ANO3: variants seen among roughly 807,000 people sequenced by gnomAD.
The protein encoded by ANO3 is anoctamin-3.
A neutral mutation model predicts 144.8 loss-of-function variants in ANO3; 99 were observed. The observed-to-expected ratio is 0.68, with a 90% CI of 0.58 to 0.81. ANO3 has a LOEUF of 0.81. Ranked by LOEUF, ANO3 falls within the 30% of genes least tolerant of loss-of-function variation. The pLI, the probability that ANO3 is intolerant of heterozygous loss-of-function variation, is 0.00. For missense variants in ANO3, 905 were observed against 1,202.2 expected (o/e 0.75, Z 3.66); for synonymous variants, 414 against 392.6 (o/e 1.05, Z -0.64).
chr11:26,590,392 C>G (rs1851409755), intron 14 of ANO3, among the ~76,000 whole-genome samples: 1 of 152,128 alleles, frequency 6.6e-6, no homozygotes, highest in Non-Finnish European at 1.5e-5. Context: ...AGTTGTTTGC[C>G]ACACACAGGC....
chr11:26,448,287 G>GT (rs1565030507), intron 3 of ANO3, among the ~76,000 whole-genome samples: 2 of 129,810 alleles, frequency 1.5e-5, no homozygotes, highest in Non-Finnish European at 3.2e-5. Flanking sequence ...CAACAAAAGC[G>GT]TAACTCCGTC....
At chr11:26,420,684 C>T (rs532126300) in intron 1 of ANO3, among the ~76,000 whole-genome samples, 8 of 152,130 alleles carry the variant, frequency 5.3e-5, no homozygotes, top group South Asian at 4.1e-4. Flanking sequence ...ATATCTTGTT[C>T]CTTCAGGCCT....
intron 1 of ANO3, among the ~76,000 whole-genome samples, chr11:26,196,902 T>C (rs959716216): frequency 6.6e-6 from 1 of 152,198 alleles, no homozygotes; most frequent in African/African-American, 2.4e-5. Flanking sequence ...CAAGACATTG[T>C]ACAAGCATAA....
rs188440334 is a variant in ANO3 at position 26,297,962 on chromosome 11, C to T, written c.155-11683C>T. 1.2e-4 allele frequency among the ~76,000 whole-genome samples: 18 copies of T among 152,286 alleles called. No homozygotes were observed. The East Asian group carries it at 2.5e-3, about 21-fold the overall frequency. On this transcript the variant is annotated intron_variant, in intron 1 of 27. Coordinates refer to the ANO3 transcript ENST00000672621. ...CATTCTTTCCACTATACCCTCCTTCCTAACTGCAGGTGGTGCCTGCAAAAA... is the reference window on the plus strand; with the variant it reads ...CATTCTTTCCACTATACCCTCCTTCTTAACTGCAGGTGGTGCCTGCAAAAA...
chr11:26,333,082 C>G (rs1008024302), intron 1 of ANO3, among the ~76,000 whole-genome samples: 1 of 152,118 alleles, frequency 6.6e-6, no homozygotes, highest in Non-Finnish European at 1.5e-5. Flanking sequence ...TATCCAGAAG[C>G]ATTAATTAAC....
intron 8 of ANO3, among the ~76,000 whole-genome samples, chr11:26,534,019 C>T (rs2703418): frequency 0.71 from 107,227 of 152,068 alleles, 38,184 homozygotes; most frequent in East Asian, 0.84. Flanking sequence ...CATTGCTACT[C>T]TTCCCATGGG....
intron 1 of ANO3, among the ~76,000 whole-genome samples, chr11:26,207,599 G>A (rs986618167): frequency 2.0e-5 from 3 of 152,000 alleles, no homozygotes; most frequent in Admixed American, 1.3e-4. Flanking sequence ...ACGACCAAAT[G>A]AGAAAGGCAC....
chr11:26,399,188 T>C (rs1857089262), intron 1 of ANO3, among the ~76,000 whole-genome samples: 1 of 151,990 alleles, frequency 6.6e-6, no homozygotes, highest in South Asian at 2.1e-4. Flanking sequence ...TTACTTTCCT[T>C]CATCTATCAT....
intron 1 of ANO3, among the ~76,000 whole-genome samples, chr11:26,238,148 G>A (rs1022778900): frequency 2.6e-5 from 4 of 152,104 alleles, no homozygotes; most frequent in African/African-American, 9.6e-5. Flanking sequence ...ATGCAACACA[G>A]AATTAAACTT....
intron 1 of ANO3, among the ~76,000 whole-genome samples, chr11:26,212,066 G>A (rs1851944612): frequency 6.6e-6 from 1 of 152,054 alleles, no homozygotes; most frequent in South Asian, 2.1e-4. Context: ...CAGGTGGTGG[G>A]GGGATAGGGA....
rs533614560 is a variant in ANO3, at chr11:26,547,679, G to A, written c.1289+129G>A. The A allele has an allele frequency of 9.8e-5, 89 of 908,316 alleles. No individual in the cohort carries two copies. In the African/African-American group the frequency reaches 1.5e-3, roughly 16 times the overall value. 56.3% of individuals were successfully genotyped at this position (908,316 alleles called of 1,614,324 possible). ...ACAATTTAATTTATTTGCTATTTCT[G>A]TTTTTTGGCTTTTGTTTTTGGTAGG... is the stretch of plus-strand genomic sequence containing the variant. On this transcript the variant is annotated intron_variant, in intron 12 of 26. Coordinates refer to ENST00000256737, the MANE Select transcript of ANO3 (RefSeq NM_031418.4).
At chr11:26,389,712 A>G (rs1326645509) in intron 1 of ANO3, among the ~76,000 whole-genome samples, 1 of 152,130 alleles carries the variant, frequency 6.6e-6, no homozygotes, top group Admixed American at 6.6e-5. Context: ...AAAGTTGAAT[A>G]TCTCAAGTTA....
At chr11:26,377,005 G>A (rs549140199) in intron 1 of ANO3, among the ~76,000 whole-genome samples, 3 of 152,190 alleles carry the variant, frequency 2.0e-5, no homozygotes, top group East Asian at 1.9e-4. Context: ...GGAGAAAAAA[G>A]TCTACATGAA....
intron 1 of ANO3, among the ~76,000 whole-genome samples, chr11:26,345,556 GAACA>G (rs1460616081): frequency 6.6e-6 from 1 of 151,908 alleles, no homozygotes; most frequent in Admixed American, 6.6e-5. Flanking sequence ...CATCTCAAAC[GAACA>G]AACAAACAAA....
chr11:26,618,826 G>T (rs962525776), intron 17 of ANO3, among the ~76,000 whole-genome samples: 2 of 151,996 alleles, frequency 1.3e-5, no homozygotes, highest in Non-Finnish European at 2.9e-5. Context: ...TGTCTCCTTG[G>T]TGAATATCTC....
intron 3 of ANO3, among the ~76,000 whole-genome samples, chr11:26,454,507 C>A (rs1389839751): frequency 6.6e-6 from 1 of 152,200 alleles, no homozygotes; most frequent in African/African-American, 2.4e-5. Flanking sequence ...AACATATATG[C>A]TCTCCCAAGA....
intron 1 of ANO3, among the ~76,000 whole-genome samples, chr11:26,209,966 C>T (rs975882232): frequency 7.9e-5 from 12 of 152,050 alleles, no homozygotes; most frequent in Non-Finnish European, 1.6e-4. Context: ...GTTTCTTTTG[C>T]TGTGCAGAAG....
chr11:26,537,490 T>G (rs1849541584), intron 10 of ANO3, 29 bp downstream of exon 10: 14 of 1,580,920 alleles, frequency 8.9e-6, no homozygotes, highest in Non-Finnish European at 1.2e-5. Context: ...TTCCGCTTTA[T>G]AAACAAGGTT....
chr11:26,411,894 CT>C (rs1453049125), intron 1 of ANO3, among the ~76,000 whole-genome samples: 2 of 151,932 alleles, frequency 1.3e-5, no homozygotes, highest in Non-Finnish European at 2.9e-5. Flanking sequence ...AACTCCATAT[CT>C]TCCATTTTTC....
Sources: gnomAD v4.1 joint callset for allele counts (sites outside exome capture counted in the v4.1 genomes callset) on GRCh38, gnomAD v4.1.1 for gene constraint, MANE v1.5 for transcripts, NCBI Gene and HGNC (gene_info 2026-07-23, HGNC 2026-07-21) for gene names.